STAMBP: variants seen among roughly 807,000 people sequenced by gnomAD.
STAMBP encodes the protein STAM-binding protein.
STAMBP carries 31 observed loss-of-function variants against 50.7 expected under a neutral mutation model. The ratio of observed to expected loss-of-function variants is 0.61; its 90% CI spans 0.46 to 0.83. STAMBP has a LOEUF of 0.83. Ranked by LOEUF, STAMBP falls within the 40% of genes least tolerant of loss-of-function variation. The pLI is 0.00. For missense variants in STAMBP, 472 were observed against 518.9 expected, an observed-to-expected ratio of 0.91 and a Z score of 0.88; for synonymous variants, 211 against 192.4, an observed-to-expected ratio of 1.10 and a Z score of -0.80.
intron 7 of STAMBP, among the ~76,000 whole-genome samples, chr2:73,855,814 A>G (rs1386835453): frequency 6.6e-6 from 1 of 152,222 alleles, no homozygotes; most frequent in Non-Finnish European, 1.5e-5. Flanking sequence ...TTCAAGAAAA[A>G]TGTTCCTTCA....
intron 7 of STAMBP, among the ~76,000 whole-genome samples, chr2:73,853,683 C>T (rs1298224591): frequency 6.6e-6 from 1 of 152,202 alleles, no homozygotes; most frequent in Non-Finnish European, 1.5e-5. Flanking sequence ...GATTACGCCA[C>T]TGCACTCCAG....
At chr2:73,833,712 C>A (rs1174397746) in intron 2 of STAMBP, among the ~76,000 whole-genome samples, 3 of 152,110 alleles carry the variant, frequency 2.0e-5, no homozygotes, top group Non-Finnish European at 4.4e-5. Context: ...AGGGCAAAGA[C>A]CATATTCATT....
At chr2:73,859,648 A>G (rs1393611628) in intron 8 of STAMBP, among the ~76,000 whole-genome samples, 1 of 151,820 alleles carries the variant, frequency 6.6e-6, no homozygotes, top group Admixed American at 6.6e-5. Flanking sequence ...CAAGAGTTTT[A>G]TGTTGGATTA....
chr2:73,835,428 C>T (rs1353014198), intron 2 of STAMBP, among the ~76,000 whole-genome samples: 1 of 151,806 alleles, frequency 6.6e-6, no homozygotes, highest in Non-Finnish European at 1.5e-5. Flanking sequence ...AAGCGATCCT[C>T]CCATCTCAGC....
chr2:73,844,607 G>A, intron 2 of STAMBP: 1 of 371,254 alleles, frequency 2.7e-6, no homozygotes. Context: ...TTGCTGCCTA[G>A]TTTGGGAGTA....
chr2:73,849,609 G>A, intron 6 of STAMBP, 122 bp downstream of exon 6: 2 of 1,290,016 alleles, frequency 1.6e-6, no homozygotes, highest in East Asian at 2.6e-5. Flanking sequence ...AGGAACCGTG[G>A]ACTGCATAAT....
In STAMBP at chr2:73,844,820, A is replaced by G. The variant is rs1240848144; in HGVS notation, c.211A>G (p.Ile71Val). Residue 71 changes from isoleucine to valine, a missense_variant, in exon 3 of 10, where the codon ATT becomes GTT. Physicochemically the swap from Ile to Val is conservative, Grantham distance 29 (BLOSUM62 3). Transcript: ENST00000394070. ...ILYNKYITLFIEKLPKHRDYK... is the reference protein window; with the variant it reads ...ILYNKYITLFVEKLPKHRDYK... ...TTTGAACTGTTTCCTTAGGCTCTTTATTGAGAAACTACCAAAACATCGAGA... is the reference window on the plus strand; with the variant it reads ...TTTGAACTGTTTCCTTAGGCTCTTTGTTGAGAAACTACCAAAACATCGAGA... 1 of 1,613,868 alleles carries G rather than the reference A, an allele frequency of 6.2e-7. No individual in the cohort carries two copies. Among genetic ancestry groups the G allele is most frequent in the South Asian group, 1.1e-5 (1 of 91,058 alleles).
chr2:73,846,730 A>C (rs1222365333), intron 4 of STAMBP, among the ~76,000 whole-genome samples: 2 of 152,200 alleles, frequency 1.3e-5, no homozygotes, highest in African/African-American at 4.8e-5. Context: ...TACATGACAC[A>C]GAGAGAAGAA....
At chr2:73,847,806 CA>C in intron 5 of STAMBP, 53 bp downstream of exon 5, 1 of 1,561,136 alleles carries the variant, frequency 6.4e-7, no homozygotes, top group Non-Finnish European at 8.6e-7. Context: ...CAAACAGTAT[CA>C]TTCTGACGGG....
intron 10 of STAMBP, chr2:73,873,322 T>A (rs1435985238): frequency 6.6e-6 from 1 of 152,242 alleles, no homozygotes; most frequent in Non-Finnish European, 1.5e-5. Context: ...CGCTTAACTT[T>A]TAACTCATTT....
chr2:73,869,869 A>G (rs1346642649), downstream of STAMBP, among the ~76,000 whole-genome samples: 1 of 152,360 alleles, frequency 6.6e-6, no homozygotes. Context: ...GACCAAGGCC[A>G]CAGAACTCCA....
At chr2:73,832,756 C>T (rs370933535) in intron 2 of STAMBP, among the ~76,000 whole-genome samples, 4 of 152,134 alleles carry the variant, frequency 2.6e-5, no homozygotes, top group African/African-American at 9.7e-5. Flanking sequence ...CAGTATCCCC[C>T]CTCCCCGCAG....
intron 2 of STAMBP, among the ~76,000 whole-genome samples, chr2:73,835,910 G>A (rs959702176): frequency 1.3e-5 from 2 of 152,148 alleles, no homozygotes; most frequent in South Asian, 2.1e-4. Flanking sequence ...TGAGGTCTGG[G>A]CTGGAAATAC....
At chr2:73,842,864 A>G (rs1056011992) in intron 2 of STAMBP, among the ~76,000 whole-genome samples, 6 of 152,346 alleles carry the variant, frequency 3.9e-5, no homozygotes, top group Non-Finnish European at 4.4e-5. Context: ...TGAAACACAG[A>G]AATCTCTGGC....
downstream of STAMBP, among the ~76,000 whole-genome samples, chr2:73,870,658 C>A (rs1679165537): frequency 6.6e-6 from 1 of 152,178 alleles, no homozygotes; most frequent in Non-Finnish European, 1.5e-5. Context: ...GGAAGTAACA[C>A]TATTCTTAGA....
At chr2:73,861,499 A>C (rs1192721876) in intron 9 of STAMBP, among the ~76,000 whole-genome samples, 1 of 151,436 alleles carries the variant, frequency 6.6e-6, no homozygotes, top group Admixed American at 6.6e-5. Context: ...ATTTTAAATA[A>C]GGGTTTTTTT....
intron 2 of STAMBP, among the ~76,000 whole-genome samples, chr2:73,831,547 T>A (rs1420509002): frequency 6.6e-6 from 1 of 152,214 alleles, no homozygotes; most frequent in Admixed American, 6.5e-5. Flanking sequence ...GTGTGGCTCA[T>A]CATAATAAGA....
Position 73,850,320 on chromosome 2 carries a change from G to A in STAMBP, c.868-56G>A. ...ACCTTTCCACTGTCGGGATGGAGTG[G>A]AGCAGGGTTGCATGAGCACCAGGGA... On this transcript the variant is annotated intron_variant, in intron 6 of 9. Coordinates refer to ENST00000394070, the MANE Select transcript of STAMBP (RefSeq NM_213622.4). This position sits in a 1 kb window ranked among gnomAD's most constrained non-coding sequence, Gnocchi z 4.3. 2 of 1,568,730 alleles carry A rather than the reference G, an allele frequency of 1.3e-6. No homozygotes were observed. The highest frequency in any genetic ancestry group is 1.7e-4 in the Middle Eastern group (1 of 5,798).
chr2:73,840,207 C>G (rs1055238958), intron 2 of STAMBP, among the ~76,000 whole-genome samples: 1 of 151,950 alleles, frequency 6.6e-6, no homozygotes, highest in Admixed American at 6.6e-5. Context: ...GTAGTAGATG[C>G]TCAGTAAATA....
Sources: gnomAD v4.1 joint callset for allele counts (sites outside exome capture counted in the v4.1 genomes callset) on GRCh38, gnomAD v4.1.1 for gene constraint, Gnocchi (gnomAD v3.1) non-coding constraint, MANE v1.5 for transcripts, NCBI Gene and HGNC (gene_info 2026-07-23, HGNC 2026-07-21) for gene names.